The following FGD3 variants were observed in gnomAD, a reference collection of about 807,000 sequenced individuals.
The protein encoded by FGD3 is FYVE, RhoGEF and PH domain-containing protein 3.
A neutral mutation model predicts 71.8 loss-of-function variants in FGD3; 45 were observed. The ratio of observed to expected loss-of-function variants is 0.63; its 90% CI spans 0.49 to 0.80. FGD3 has a LOEUF of 0.80. FGD3 is among the 30% of genes least tolerant of loss of function. FGD3 has a pLI of 0.00. For synonymous variants in FGD3, 378 were observed against 392.8 expected (o/e 0.96, Z 0.44); for missense variants, 844 against 951.5 (o/e 0.89, Z 1.49).
Position 93,010,378 on chromosome 9 carries a change from G to T in FGD3, c.970G>T (p.Ala324Ser). The change falls in exon 7 of 18, where the codon GCG becomes TCG. Residue 324 changes from alanine to serine, a missense_variant. Coordinates refer to ENST00000375482, the MANE Select transcript of FGD3 (RefSeq NM_001083536.2). Reference protein sequence around the residue: ...LPQDAPDRKDAERSLELISTA... With the variant: ...LPQDAPDRKDSERSLELISTA... The stretch of plus-strand genomic sequence containing the variant: ...GCAGGACGCCCCAGACCGGAAGGAT[G>T]CGGAGAGTGAGCTGGGGCCAAGGGC... 1 of 1,607,938 alleles carries T rather than the reference G, an allele frequency of 6.2e-7. No individual in the cohort carries two copies. Among genetic ancestry groups the T allele is most frequent in the Non-Finnish European group, 8.5e-7 (1 of 1,175,470 alleles).
rs1380760098 is a variant in FGD3, at chr9:92,969,672, G to A, written c.-217-5566G>A. Among the ~76,000 whole-genome samples, 9 of 152,114 alleles carry A rather than the reference G, an allele frequency of 5.9e-5. No homozygotes were observed. The highest frequency in any genetic ancestry group is 5.9e-4 in the Admixed American group (9 of 15,272). On this transcript the variant is annotated intron_variant, in intron 1 of 17. Coordinates refer to ENST00000375482, the MANE Select transcript of FGD3 (RefSeq NM_001083536.2). The surrounding 1 kb of genome is among the most constrained non-coding windows in gnomAD (Gnocchi z 4.5). ...GTGGTGGGTTTCTTTCAGATGGGGG[G>A]GGACTCCCGCACGGCCTCCCGGGAA...
rs1862574041 is a variant in FGD3 at position 93,035,680 on chromosome 9, C to G, written c.*91C>G. 1.2e-5 allele frequency: 18 copies of G among 1,478,472 alleles called. No individual in the cohort carries two copies. In the South Asian group the frequency reaches 2.5e-4, roughly 20 times the overall value. 91.6% of individuals were successfully genotyped at this position (1,478,472 alleles called of 1,614,324 possible). On this transcript the variant is annotated 3_prime_UTR_variant, in exon 18 of 18. Transcript: ENST00000375482. ...GAGGCCCCATGAAGAGCGCCCTGGACTGCTGAGGGTGGGCCAACAGCCCAG... is the reference window on the plus strand; with the variant it reads ...GAGGCCCCATGAAGAGCGCCCTGGAGTGCTGAGGGTGGGCCAACAGCCCAG...
Position 93,020,341 on chromosome 9 carries a change from C to T in FGD3, c.1411C>T (p.His471Tyr), listed in dbSNP as rs1205945316. The change falls in exon 13 of 18, where the codon CAC becomes TAC. Residue 471 changes from histidine to tyrosine, a missense_variant. Transcript: ENST00000375482. ...GATCATCCAGGCCACCATCGAGAAG[C>T]ACAAACAGAACAGCGAAACCTTCAA... Reference protein sequence around the residue: ...IQIIQATIEKHKQNSETFKAF... With the variant: ...IQIIQATIEKYKQNSETFKAF... 2 of 1,613,226 alleles carry T rather than the reference C, an allele frequency of 1.2e-6. No individual in the cohort carries two copies. The highest frequency in any genetic ancestry group is 1.7e-6 in the Non-Finnish European group (2 of 1,179,806).
intron 1 of FGD3, among the ~76,000 whole-genome samples, chr9:92,968,134 G>A (rs1487607629): frequency 2.0e-5 from 3 of 152,154 alleles, no homozygotes; most frequent in Admixed American, 1.3e-4. Context: ...CCGCATCCTT[G>A]GGAGAGGTAG....
chr9:92,966,070 G>A (rs1327708869), intron 1 of FGD3, among the ~76,000 whole-genome samples: 1 of 152,198 alleles, frequency 6.6e-6, no homozygotes, highest in Admixed American at 6.5e-5. Context: ...GAGCCGGTCG[G>A]GAAGGAAACA....
intron 3 of FGD3, among the ~76,000 whole-genome samples, chr9:92,978,739 T>G: frequency 4.3e-5 from 1 of 23,294 alleles, no homozygotes; most frequent in Admixed American, 6.3e-4. Flanking sequence ...TCCCCTCCCC[T>G]CCCCCATCCC....
intron 16 of FGD3, 196 bp downstream of exon 16, chr9:93,033,069 G>C (rs1309912738): frequency 1.2e-5 from 8 of 662,492 alleles, no homozygotes; most frequent in South Asian, 1.1e-4. Context: ...CTGGCTTCTC[G>C]GGACCAGCCA....
rs781564624 is a variant in FGD3, at chr9:93,003,380, C to T, written c.543+366C>T. ...CTGACCTCAGGTGATCCACCAGCCTCGGCCTCCCAAAGTCCTGGGATTACA... is the reference window on the plus strand; with the variant it reads ...CTGACCTCAGGTGATCCACCAGCCTTGGCCTCCCAAAGTCCTGGGATTACA... On this transcript the variant is annotated intron_variant, in intron 4 of 17. Coordinates refer to ENST00000375482, the MANE Select transcript of FGD3 (RefSeq NM_001083536.2). This position sits in a 1 kb window ranked among gnomAD's most constrained non-coding sequence, Gnocchi z 4.1. Among the ~76,000 whole-genome samples the T allele has an allele frequency of 2.6e-5, 4 of 152,334 alleles. No homozygotes were observed. The highest frequency in any genetic ancestry group is 4.8e-5 in the African/African-American group (2 of 41,574).
At position 93,014,957 on chromosome 9, in the gene FGD3, C is replaced by T. The variant is rs375775948; in HGVS notation, c.1183-780C>T. Among the ~76,000 whole-genome samples the T allele has an allele frequency of 2.1e-5, 3 of 140,684 alleles. No homozygotes were observed. In the East Asian group the frequency reaches 7.1e-4, roughly 33 times the overall value. 92.3% of individuals were successfully genotyped at this position (140,684 alleles called of 152,430 possible). On this transcript the variant is annotated intron_variant, in intron 9 of 17. Coordinates refer to ENST00000375482, the MANE Select transcript of FGD3 (RefSeq NM_001083536.2). ...CAAGTTACAATTTGATCACTGCCCC[C>T]GCCCACCCCCCCAGTTCCCTTGTCC...
intron 5 of FGD3, 112 bp downstream of exon 5, chr9:93,004,249 C>T (rs1860967194): frequency 1.4e-6 from 2 of 1,395,888 alleles, no homozygotes; most frequent in Non-Finnish European, 9.8e-7. Flanking sequence ...TGGCTGGGCG[C>T]CTCCCTTCTC....
chr9:92,952,619 A>T (rs1182658472), intron 1 of FGD3, among the ~76,000 whole-genome samples: 2 of 151,790 alleles, frequency 1.3e-5, no homozygotes, highest in Admixed American at 1.3e-4. Context: ...TAACATTATG[A>T]AGGTTGAGCA....
chr9:92,986,591 G>A (rs1013105839), intron 3 of FGD3, among the ~76,000 whole-genome samples: 1 of 152,310 alleles, frequency 6.6e-6, no homozygotes, highest in Non-Finnish European at 1.5e-5. Flanking sequence ...TTGGGGCTTG[G>A]GGTAAGAACT....
At chr9:92,972,741 A>G (rs1191205961) in intron 1 of FGD3, among the ~76,000 whole-genome samples, 1 of 151,902 alleles carries the variant, frequency 6.6e-6, no homozygotes, top group Non-Finnish European at 1.5e-5. Flanking sequence ...GTATTACACT[A>G]CTTGAAGTTT....
intron 3 of FGD3, among the ~76,000 whole-genome samples, chr9:92,999,325 C>T (rs1860768942): frequency 6.6e-6 from 1 of 152,272 alleles, no homozygotes; most frequent in Non-Finnish European, 1.5e-5. Flanking sequence ...ATTGGAAAAG[C>T]ACAGTATTAG....
chr9:92,999,054 A>G (rs550918045), intron 3 of FGD3, among the ~76,000 whole-genome samples: 1 of 152,328 alleles, frequency 6.6e-6, no homozygotes, highest in Admixed American at 6.5e-5. Context: ...TTGTTCAGCT[A>G]TGCCCTACCC....
Position 92,976,224 on chromosome 9 carries a change from C to T in FGD3, c.-33C>T. The T allele has an allele frequency of 1.3e-6, 2 of 1,498,934 alleles. No individual in the cohort carries two copies. The highest frequency in any genetic ancestry group is 1.8e-6 in the Non-Finnish European group (2 of 1,118,468). 92.9% of individuals were successfully genotyped at this position (1,498,934 alleles called of 1,614,324 possible). On this transcript the variant is annotated 5_prime_UTR_variant, in exon 3 of 18. Coordinates refer to ENST00000375482, the MANE Select transcript of FGD3 (RefSeq NM_001083536.2). ...CCCCTACAGGAAGCCCCTGGCCAGC[C>T]TCCACCTGAGCCCAGTGAGCTCAGC...
chr9:93,019,164 C>T (rs1861818905), intron 11 of FGD3, among the ~76,000 whole-genome samples: 1 of 152,160 alleles, frequency 6.6e-6, no homozygotes, highest in African/African-American at 2.4e-5. Flanking sequence ...CTAGGATTTT[C>T]TATGCACATG....
intron 14 of FGD3, among the ~76,000 whole-genome samples, chr9:93,023,074 G>A (rs1564168884): frequency 6.6e-6 from 1 of 152,164 alleles, no homozygotes; most frequent in Non-Finnish European, 1.5e-5. Context: ...CCCAGGCCTG[G>A]CACTCACCAA....
At chr9:92,994,955 G>A (rs1357681537) in intron 3 of FGD3, among the ~76,000 whole-genome samples, 2 of 152,090 alleles carry the variant, frequency 1.3e-5, no homozygotes, top group South Asian at 2.1e-4. Context: ...TTGGCAATGC[G>A]GGCTCTTTTT....
Sources: allele counts gnomAD v4.1 joint callset (sites outside exome capture counted in the v4.1 genomes callset), GRCh38; gene constraint gnomAD v4.1.1; non-coding constraint Gnocchi (gnomAD v3.1); transcripts MANE v1.5; gene names NCBI Gene and HGNC (gene_info 2026-07-23, HGNC 2026-07-21).